The following ZNF385B variants were observed in gnomAD, a reference collection of about 807,000 sequenced individuals.
The protein encoded by ZNF385B is zinc finger protein 385B.
Under a neutral mutation model 39.2 loss-of-function variants are expected in ZNF385B, and 23 were observed. The observed-to-expected ratio is 0.59, with a 90% CI of 0.42 to 0.83. ZNF385B has a LOEUF of 0.83. ZNF385B is among the 40% of genes least tolerant of loss of function. The pLI, the probability that ZNF385B is intolerant of heterozygous loss-of-function variation, is 0.00. For missense variants in ZNF385B, 552 were observed against 598.9 expected, an observed-to-expected ratio of 0.92 and a Z score of 0.82; for synonymous variants, 205 against 222.6, an observed-to-expected ratio of 0.92 and a Z score of 0.70.
chr2:179,711,602 A>G (rs755854745), intron 3 of ZNF385B, among the ~76,000 whole-genome samples: 7 of 152,190 alleles, frequency 4.6e-5, no homozygotes, highest in Middle Eastern at 3.2e-3. Context: ...CAACCCAGAG[A>G]TTCATTCCTT....
intron 5 of ZNF385B, among the ~76,000 whole-genome samples, chr2:179,502,460 C>T (rs2056852901): frequency 6.6e-6 from 1 of 152,064 alleles, no homozygotes; most frequent in Admixed American, 6.6e-5. Flanking sequence ...CGGACTTCTC[C>T]TTTGCTGTTC....
chr2:179,497,823 C>A (rs2056385427), intron 5 of ZNF385B, among the ~76,000 whole-genome samples: 3 of 152,056 alleles, frequency 2.0e-5, no homozygotes, highest in Admixed American at 6.6e-5. Context: ...CTACAAAAAA[C>A]ACACTTCACC....
At position 179,633,123 on chromosome 2, in the gene ZNF385B, T is replaced by C. The variant is rs184590874; in HGVS notation, c.299-88154A>G. 1.0e-3 allele frequency among the ~76,000 whole-genome samples: 158 copies of C among 152,190 alleles called. 2 individuals are homozygous for C. The highest frequency in any genetic ancestry group is 8.7e-3 in the South Asian group (42 of 4,812). On this transcript the variant is annotated intron_variant, in intron 3 of 9. Transcript: ENST00000410066. ...ATTCACAGCTGAATTCTACCAGAGG[T>C]ACAAAGAGGAGCTGGTACCATTCCT... is the stretch of plus-strand genomic sequence containing the variant.
chr2:179,577,653 A>G lies in ZNF385B; in HGVS notation c.299-32684T>C, dbSNP rs557251694. On this transcript the variant is annotated intron_variant, in intron 3 of 9. Coordinates refer to ENST00000410066, the MANE Select transcript of ZNF385B (RefSeq NM_152520.6). ...ATAAATTGAAAATTTTCTTTTTCTT[A>G]TCAGAAAAAAACTATAATCGCTTTT... Among the ~76,000 whole-genome samples, 11 of 152,168 alleles carry G rather than the reference A, an allele frequency of 7.2e-5. No homozygotes were observed. The South Asian group carries it at 2.3e-3, about 32-fold the overall frequency.
chr2:179,677,838 T>G (rs1400590226), intron 3 of ZNF385B, among the ~76,000 whole-genome samples: 1 of 150,476 alleles, frequency 6.6e-6, no homozygotes, highest in African/African-American at 2.5e-5. Flanking sequence ...CATTTGAGAT[T>G]TTTTTTACAG....
chr2:179,707,458 T>C (rs1699692383), intron 3 of ZNF385B, among the ~76,000 whole-genome samples: 2 of 152,204 alleles, frequency 1.3e-5, no homozygotes, highest in Admixed American at 1.3e-4. Context: ...CACATCTCCT[T>C]TGTAATTACA....
intron 1 of ZNF385B, among the ~76,000 whole-genome samples, chr2:179,843,391 G>A (rs1359191922): frequency 6.6e-6 from 1 of 152,116 alleles, no homozygotes; most frequent in East Asian, 1.9e-4. Context: ...TACCTTCCTT[G>A]AATAAGTTTA....
chr2:179,493,784 C>CATATATGTATACATATATGTATATGCCT (rs1559338478), intron 5 of ZNF385B, among the ~76,000 whole-genome samples: 1 of 88,512 alleles, frequency 1.1e-5, no homozygotes. Context: ...TGTATATACA[C>CATATATGTATACATATATGTATATGCCT]ATATGTATAC....
chr2:179,502,115 A>T (rs2056817669), intron 5 of ZNF385B, among the ~76,000 whole-genome samples: 1 of 152,178 alleles, frequency 6.6e-6, no homozygotes, highest in Admixed American at 6.5e-5. Context: ...CCATTTTGGA[A>T]TGGCAGCATT....
intron 1 of ZNF385B, among the ~76,000 whole-genome samples, chr2:179,838,798 T>C (rs1455205541): frequency 6.6e-6 from 1 of 152,168 alleles, no homozygotes; most frequent in East Asian, 1.9e-4. Context: ...TTTGTAATTT[T>C]TTCATGACTA....
At chr2:179,464,196 T>C (rs2051705400) in intron 6 of ZNF385B, among the ~76,000 whole-genome samples, 1 of 152,178 alleles carries the variant, frequency 6.6e-6, no homozygotes, top group Admixed American at 6.5e-5. Flanking sequence ...TTTGATGGGA[T>C]TGTTTCTTTT....
chr2:179,493,803 A>ATATGCATATATGTATACATATATGTC (rs1559338808), intron 5 of ZNF385B, among the ~76,000 whole-genome samples: 1 of 119,642 alleles, frequency 8.4e-6, no homozygotes, highest in African/African-American at 3.1e-5. Flanking sequence ...ACATATATGT[A>ATATGCATATATGTATACATATATGTC]TATATACATA....
chr2:179,676,903 C>A (rs868837828), intron 3 of ZNF385B, among the ~76,000 whole-genome samples: 1 of 152,138 alleles, frequency 6.6e-6, no homozygotes, highest in Non-Finnish European at 1.5e-5. Context: ...TAGAGAAATA[C>A]TCAGGGAGTA....
intron 1 of ZNF385B, among the ~76,000 whole-genome samples, chr2:179,837,113 G>T (rs1708296462): frequency 6.6e-6 from 1 of 152,048 alleles, no homozygotes; most frequent in African/African-American, 2.4e-5. Flanking sequence ...TAATTCCTAG[G>T]CACCTAAAAA....
intron 3 of ZNF385B, among the ~76,000 whole-genome samples, chr2:179,753,287 G>A (rs1200956944): frequency 6.6e-6 from 1 of 151,792 alleles, no homozygotes; most frequent in East Asian, 1.9e-4. Context: ...TGTTCCATTG[G>A]TCTATATATA....
intron 3 of ZNF385B, among the ~76,000 whole-genome samples, chr2:179,588,067 C>A (rs558857490): frequency 7.9e-5 from 12 of 152,200 alleles, no homozygotes; most frequent in Non-Finnish European, 1.6e-4. Flanking sequence ...GAAAGGCAAG[C>A]ATTTGGCAGG....
chr2:179,834,915 C>T (rs1271896930), intron 1 of ZNF385B, among the ~76,000 whole-genome samples: 1 of 152,184 alleles, frequency 6.6e-6, no homozygotes, highest in African/African-American at 2.4e-5. Context: ...GAGGAAACTT[C>T]AGACACGTCA....
At chr2:179,462,691 C>T (rs1315164200) in intron 6 of ZNF385B, among the ~76,000 whole-genome samples, 1 of 152,082 alleles carries the variant, frequency 6.6e-6, no homozygotes, top group African/African-American at 2.4e-5. Context: ...AGTATCATCA[C>T]TATATTGTTA....
intron 1 of ZNF385B, among the ~76,000 whole-genome samples, chr2:179,797,891 A>AATCCTACCATTC (rs1390481659): frequency 6.6e-6 from 1 of 152,160 alleles, no homozygotes; most frequent in Non-Finnish European, 1.5e-5. Flanking sequence ...GTAATACTCT[A>AATCCTACCATTC]ATCCTACCAT....
Sources: allele counts gnomAD v4.1 joint callset (sites outside exome capture counted in the v4.1 genomes callset), GRCh38; gene constraint gnomAD v4.1.1; transcripts MANE v1.5; gene names NCBI Gene and HGNC (gene_info 2026-07-23, HGNC 2026-07-21).